The following WDR72 variants were observed in gnomAD, a reference collection of about 807,000 sequenced individuals.
WDR72 encodes the protein WD repeat-containing protein 72.
Under a neutral mutation model 124.2 loss-of-function variants are expected in WDR72, and 120 were observed. That is an observed-to-expected ratio of 0.97 (90% CI 0.83 to 1.12). The LOEUF (loss-of-function observed/expected upper bound fraction) is 1.12, where lower values mean the gene tolerates loss of function less well. Ranked by LOEUF, WDR72 falls within the 50% of genes most tolerant of loss-of-function variation. The pLI, the probability that WDR72 is intolerant of heterozygous loss-of-function variation, is 0.00. For synonymous variants in WDR72, 452 were observed against 441.7 expected (o/e 1.02, Z -0.29); for missense variants, 1,387 against 1,278.8 (o/e 1.08, Z -1.29).
intron 13 of WDR72, among the ~76,000 whole-genome samples, chr15:53,694,169 C>A (rs1056321585): frequency 6.6e-6 from 1 of 152,168 alleles, no homozygotes; most frequent in East Asian, 1.9e-4. Context: ...AGTTCTCCAA[C>A]AGGAGTCACG....
chr15:53,646,090 T>C (rs1304522761), intron 14 of WDR72, among the ~76,000 whole-genome samples: 1 of 152,178 alleles, frequency 6.6e-6, no homozygotes, highest in Non-Finnish European at 1.5e-5. Flanking sequence ...AAAATGTGAC[T>C]ATTGTTCTGT....
At chr15:53,723,163 T>G (rs1292602407) in intron 2 of WDR72, among the ~76,000 whole-genome samples, 1 of 151,096 alleles carries the variant, frequency 6.6e-6, no homozygotes, top group African/African-American at 2.5e-5. Context: ...CAGCCTGTCT[T>G]ACAACAGCTA....
intron 14 of WDR72, among the ~76,000 whole-genome samples, chr15:53,660,162 T>A (rs148013642): frequency 5.3e-5 from 8 of 152,026 alleles, no homozygotes; most frequent in Non-Finnish European, 1.2e-4. Context: ...TTTCATTCTA[T>A]ATGGATGATT....
intron 16 of WDR72, among the ~76,000 whole-genome samples, chr15:53,612,255 C>T (rs948365098): frequency 6.6e-6 from 1 of 152,094 alleles, no homozygotes; most frequent in African/African-American, 2.4e-5. Flanking sequence ...ACCAGGGACA[C>T]AGCAATGAAT....
chr15:53,533,499 C>A (rs937719318), intron 18 of WDR72, among the ~76,000 whole-genome samples: 1 of 152,220 alleles, frequency 6.6e-6, no homozygotes, highest in South Asian at 2.1e-4. Context: ...ACCCCTAAAA[C>A]CAAGGTCTGA....
At position 53,598,593 on chromosome 15, in the gene WDR72, A is replaced by T. The variant is rs1185883070; in HGVS notation, c.2953-1319T>A. Among the ~76,000 whole-genome samples, 3 of 152,188 alleles carry T rather than the reference A, an allele frequency of 2.0e-5. No homozygotes were observed. The East Asian group carries it at 5.8e-4, about 29-fold the overall frequency. On this transcript the variant is annotated intron_variant, in intron 17 of 19. Coordinates refer to ENST00000360509, the MANE Select transcript of WDR72 (RefSeq NM_182758.4). ...TACTTGCTGAAATCCTGGGGCAGAA[A>T]AGCTGGCCTCTGACTTTTAAATATA...
Position 53,517,619 on chromosome 15 carries a change from C to CT in WDR72, c.*79dup. ...AATAACTTGACCAATAACAACAATG[C>CT]TTTTATACAGTAATAAACAAATGGC... is the stretch of plus-strand genomic sequence containing the variant. On this transcript the variant is annotated 3_prime_UTR_variant, in exon 20 of 20. Coordinates refer to ENST00000360509, the MANE Select transcript of WDR72 (RefSeq NM_182758.4). 1 of 1,451,040 alleles carries CT rather than the reference C, an allele frequency of 6.9e-7. No individual in the cohort carries two copies. Among genetic ancestry groups the CT allele is most frequent in the Non-Finnish European group, 9.7e-7 (1 of 1,032,352 alleles). 89.9% of individuals were successfully genotyped at this position (1,451,040 alleles called of 1,614,324 possible).
At chr15:53,698,063 C>A (rs2017059209) in intron 13 of WDR72, among the ~76,000 whole-genome samples, 1 of 151,964 alleles carries the variant, frequency 6.6e-6, no homozygotes, top group African/African-American at 2.4e-5. Flanking sequence ...TTCAAACGTT[C>A]TTCAACATTT....
intron 10 of WDR72, 41 bp from the exon 11 acceptor site, chr15:53,705,274 A>G (rs1306710705): frequency 6.3e-7 from 1 of 1,594,368 alleles, no homozygotes; most frequent in African/African-American, 1.3e-5. Flanking sequence ...TTGGTTTATC[A>G]GTACATCATA....
intron 1 of WDR72, among the ~76,000 whole-genome samples, chr15:53,750,823 C>G (rs2018756572): frequency 1.3e-5 from 2 of 152,020 alleles, no homozygotes; most frequent in Admixed American, 6.6e-5. Flanking sequence ...AGCAAGAGAA[C>G]TAGAATTAAA....
At chr15:53,668,074 G>T (rs2015841247) in intron 13 of WDR72, among the ~76,000 whole-genome samples, 1 of 152,124 alleles carries the variant, frequency 6.6e-6, no homozygotes, top group Admixed American at 6.5e-5. Context: ...AAACCTAATG[G>T]TAGTGCAGAG....
Position 53,615,985 on chromosome 15 carries a change from C to T in WDR72, c.2221G>A (p.Ala741Thr). The change falls in exon 15 of 20, where the codon GCA becomes ACA. Residue 741 changes from alanine (A) to threonine (T), a missense_variant. Physicochemically the swap from Ala to Thr is moderately conservative, Grantham distance 58. Coordinates refer to ENST00000360509, the MANE Select transcript of WDR72 (RefSeq NM_182758.4). ...KTACGPLSAE[A>T]LAKPITESLA... is the part of the protein sequence containing the mutation. ...CTTTCAGTAATAGGCTTGGCTAGTG[C>T]CTCTGCTGAAAGAGGACCACAGGCA... The T allele has an allele frequency of 6.2e-7, 1 of 1,613,242 alleles. No individual in the cohort carries two copies.
At chr15:53,599,261 T>TCCCA (rs2012931294) in intron 17 of WDR72, among the ~76,000 whole-genome samples, 3 of 152,170 alleles carry the variant, frequency 2.0e-5, no homozygotes, top group Non-Finnish European at 4.4e-5. Context: ...TTATTACTTA[T>TCCCA]TCATGATGAA....
chr15:53,589,147 G>C (rs1335495926), intron 18 of WDR72, among the ~76,000 whole-genome samples: 1 of 151,848 alleles, frequency 6.6e-6, no homozygotes, highest in African/African-American at 2.4e-5. Flanking sequence ...AGTCAAGAGT[G>C]AAATAACTAT....
intron 1 of WDR72, among the ~76,000 whole-genome samples, chr15:53,734,981 A>T (rs1259950401): frequency 6.6e-6 from 1 of 152,040 alleles, no homozygotes; most frequent in Non-Finnish European, 1.5e-5. Context: ...GAATATCTAA[A>T]TTTTTTTAAA....
chr15:53,658,781 C>T (rs2015513506), intron 14 of WDR72, among the ~76,000 whole-genome samples: 1 of 152,094 alleles, frequency 6.6e-6, no homozygotes, highest in African/African-American at 2.4e-5. Flanking sequence ...CCATTTGTAC[C>T]CTTTATCACA....
At chr15:53,683,173 C>T (rs535799868) in intron 13 of WDR72, among the ~76,000 whole-genome samples, 16 of 152,094 alleles carry the variant, frequency 1.1e-4, no homozygotes, top group African/African-American at 3.9e-4. Context: ...CCTTGACACA[C>T]AGAGATTACA....
intron 18 of WDR72, among the ~76,000 whole-genome samples, chr15:53,530,756 A>ACTT (rs1409165570): frequency 6.6e-6 from 1 of 152,106 alleles, no homozygotes. Flanking sequence ...TTATATATGA[A>ACTT]CTTAAGATAA....
chr15:53,594,235 T>C (rs139951095), intron 18 of WDR72, among the ~76,000 whole-genome samples: 25 of 152,026 alleles, frequency 1.6e-4, no homozygotes, highest in African/African-American at 5.8e-4. Flanking sequence ...TATCTGTGTA[T>C]AGCAAAACCA....
Sources: gnomAD v4.1 joint callset for allele counts (sites outside exome capture counted in the v4.1 genomes callset) on GRCh38, gnomAD v4.1.1 for gene constraint, MANE v1.5 for transcripts, NCBI Gene and HGNC (gene_info 2026-07-23, HGNC 2026-07-21) for gene names.